The following EIF2AK2 variants were observed in gnomAD, a reference collection of about 807,000 sequenced individuals.
EIF2AK2 encodes interferon-induced, double-stranded RNA-activated protein kinase.
Under a neutral mutation model 70.5 loss-of-function variants are expected in EIF2AK2, and 40 were observed. That is an observed-to-expected ratio of 0.57 (90% CI 0.44 to 0.74). The LOEUF (loss-of-function observed/expected upper bound fraction) is 0.74, where lower values mean the gene tolerates loss of function less well. Among genes scored for constraint, EIF2AK2 ranks in the 30% least tolerant of loss-of-function variants. The probability of loss-of-function intolerance (pLI) is 0.00; values close to 1 mark genes in which losing one functional copy is unlikely to be tolerated. For missense variants in EIF2AK2, 555 were observed against 644.3 expected, an observed-to-expected ratio of 0.86 and a Z score of 1.50; for synonymous variants, 198 against 220.9, an observed-to-expected ratio of 0.90 and a Z score of 0.92.
intron 12 of EIF2AK2, among the ~76,000 whole-genome samples, chr2:37,122,081 G>A (rs1212266646): frequency 2.6e-5 from 4 of 152,236 alleles, no homozygotes; most frequent in African/African-American, 4.8e-5. Flanking sequence ...CCCTCTGACG[G>A]CACCACACCA....
At chr2:37,125,801 T>G (rs1425489600) in intron 11 of EIF2AK2, among the ~76,000 whole-genome samples, 1 of 152,156 alleles carries the variant, frequency 6.6e-6, no homozygotes, top group Non-Finnish European at 1.5e-5. Context: ...AGCACTGCAT[T>G]TTGGAGCAGT....
At chr2:37,122,478 A>ATGGCTATGAGAATTTATTTTTAGT in intron 12 of EIF2AK2, 28 bp downstream of exon 12, 1 of 1,608,670 alleles carries the variant, frequency 6.2e-7, no homozygotes, top group Non-Finnish European at 8.5e-7. Flanking sequence ...CCATCCTATT[A>ATGGCTATGAGAATTTATTTTTAGT]TGGCTATGAG....
At chr2:37,153,337 C>CTTTT (rs1553340565) in intron 1 of EIF2AK2, among the ~76,000 whole-genome samples, 9 of 109,862 alleles carry the variant, frequency 8.2e-5, no homozygotes, top group African/African-American at 2.3e-4. Context: ...CTCTGCTAAT[C>CTTTT]TTTTTTTTTT....
At chr2:37,114,537 G>A (rs1414499919) in intron 14 of EIF2AK2, among the ~76,000 whole-genome samples, 194 bp downstream of exon 14, 1 of 152,044 alleles carries the variant, frequency 6.6e-6, no homozygotes, top group African/African-American at 2.4e-5. Context: ...GTGTTTGTAT[G>A]TTTTTATAAC....
At chr2:37,118,355 T>C (rs1251945357) in intron 13 of EIF2AK2, among the ~76,000 whole-genome samples, 1 of 151,920 alleles carries the variant, frequency 6.6e-6, no homozygotes, top group Non-Finnish European at 1.5e-5. Context: ...AATAATAAAG[T>C]CTGACCCTTG....
intron 1 of EIF2AK2, among the ~76,000 whole-genome samples, chr2:37,152,723 A>C (rs112591499): frequency 2.5e-3 from 388 of 152,242 alleles, no homozygotes; most frequent in African/African-American, 9.1e-3. Context: ...ATACGCCATT[A>C]CCTCTAAAGT....
At position 37,106,041 on chromosome 2, in the gene EIF2AK2, C is replaced by T. The variant is rs917602154; in HGVS notation, c.*1232G>A. ...ATGCAGCAAACACTAGTGGACCTAC[C>T]ATCCAGCTTAAGGAAGTTACCATTA... On this transcript the variant is annotated 3_prime_UTR_variant, in exon 17 of 17. Transcript: ENST00000233057. The T allele has an allele frequency of 2.6e-5, 4 of 152,196 alleles. No individual in the cohort carries two copies. The highest frequency in any genetic ancestry group is 5.9e-5 in the Non-Finnish European group (4 of 68,030). The allele number at this position is 152,196 out of a possible 1,614,324, so 9.4% of individuals were successfully genotyped here.
intron 4 of EIF2AK2, among the ~76,000 whole-genome samples, chr2:37,143,667 T>C (rs1371343314): frequency 6.6e-6 from 1 of 152,100 alleles, no homozygotes; most frequent in Non-Finnish European, 1.5e-5. Flanking sequence ...GCAGATTGCT[T>C]GAGTCCAGGA....
rs1674003367 is a variant in EIF2AK2, at chr2:37,107,517, T to C, written c.1490A>G (p.Asp497Gly). 2.5e-6 allele frequency: 4 copies of C among 1,611,116 alleles called. No homozygotes were observed. The Middle Eastern group carries it at 5.0e-4, about 200-fold the overall frequency. ...ATCTGAGATGATGCCATCCCGTAGG[T>C]CTGTGAAAAACTGGAAAAAAAAATG... is the stretch of plus-strand genomic sequence containing the variant. ...TAFETSKFFTDLRDGIISDIF... is the reference protein window; with the variant it reads ...TAFETSKFFTGLRDGIISDIF... The change falls in exon 16 of 17, where the codon GAC becomes GGC. Residue 497 changes from aspartate to glycine, a missense_variant. Asp to Gly is a moderately conservative substitution (Grantham distance 94, BLOSUM62 -1). Transcript: ENST00000233057.
chr2:37,133,982 C>T (rs754651109), intron 10 of EIF2AK2, among the ~76,000 whole-genome samples: 15 of 152,186 alleles, frequency 9.9e-5, no homozygotes, highest in East Asian at 1.9e-4. Flanking sequence ...CAAACTAGAA[C>T]GTTCTATAAA....
intron 14 of EIF2AK2, among the ~76,000 whole-genome samples, chr2:37,111,722 G>A (rs963858674): frequency 1.9e-4 from 9 of 47,944 alleles, no homozygotes. Flanking sequence ...GCCAGGTGTT[G>A]GTGGTTTGAG....
intron 10 of EIF2AK2, among the ~76,000 whole-genome samples, chr2:37,126,780 A>C (rs1247993778): frequency 6.6e-6 from 1 of 151,930 alleles, no homozygotes; most frequent in African/African-American, 2.4e-5. Flanking sequence ...AACATGGTGA[A>C]ACCCCGTCTC....
At chr2:37,154,891 C>G (rs1158900504) in intron 1 of EIF2AK2, among the ~76,000 whole-genome samples, 2 of 151,966 alleles carry the variant, frequency 1.3e-5, no homozygotes, top group Non-Finnish European at 2.9e-5. Flanking sequence ...ACAAGCTACT[C>G]CTTTTCTGTC....
At chr2:37,117,158 A>T (rs989564287) in intron 13 of EIF2AK2, among the ~76,000 whole-genome samples, 1 of 151,096 alleles carries the variant, frequency 6.6e-6, no homozygotes, top group African/African-American at 2.4e-5. Context: ...GGCTGCAGTG[A>T]GCCGAGATCA....
Position 37,100,790 on chromosome 2 carries a change from A to T in EIF2AK2, c.*6483T>A, listed in dbSNP as rs141483466. 285 of 152,350 alleles carry T rather than the reference A, an allele frequency of 1.9e-3. No individual in the cohort carries two copies. Among genetic ancestry groups the T allele is most frequent in the Admixed American group, 2.9e-3 (45 of 15,294 alleles). 9.4% of individuals were successfully genotyped at this position (152,350 alleles called of 1,614,324 possible). A position where few individuals can be genotyped will look rare whatever the true frequency, so the allele number is the denominator to read the frequency against. ...GCTCACTGTCACCAAATGGGATTCA[A>T]CGTCTTTCCTCCCAAACATGCTCTA... On this transcript the variant is annotated 3_prime_UTR_variant, in exon 17 of 17. Coordinates refer to ENST00000233057, the MANE Select transcript of EIF2AK2 (RefSeq NM_001135651.3).
intron 15 of EIF2AK2, 56 bp from the exon 16 acceptor site, chr2:37,107,583 C>A (rs1170486664): frequency 6.4e-7 from 1 of 1,555,244 alleles, no homozygotes; most frequent in African/African-American, 1.4e-5. Context: ...GGAGGAAAGA[C>A]AGAACTAAAG....
At chr2:37,123,002 C>A (rs1418684617) in intron 11 of EIF2AK2, among the ~76,000 whole-genome samples, 2 of 151,950 alleles carry the variant, frequency 1.3e-5, no homozygotes, top group Non-Finnish European at 2.9e-5. Context: ...CCCATCTCTA[C>A]TAAAAATACA....
rs748579328 is a variant in EIF2AK2 at position 37,139,626 on chromosome 2, C to T, written c.516+5G>A. 1.2e-6 allele frequency: 2 copies of T among 1,608,672 alleles called. No individual in the cohort carries two copies. The highest frequency in any genetic ancestry group is 1.1e-5 in the South Asian group (1 of 89,580). On this transcript the variant is annotated splice_donor_5th_base_variant and intron_variant, in intron 6 of 16. Transcript: ENST00000233057. ...ATAAAAATTTAATCCAAAGGCAATA[C>T]GTACCACTGAGGTTTCTTCTGATAA...
At chr2:37,141,949 T>C (rs1449239542) in intron 4 of EIF2AK2, among the ~76,000 whole-genome samples, 1 of 152,230 alleles carries the variant, frequency 6.6e-6, no homozygotes, top group Non-Finnish European at 1.5e-5. Flanking sequence ...TGGAAAGTAC[T>C]ATAACACTTT....
Sources: gnomAD v4.1 joint callset for allele counts (sites outside exome capture counted in the v4.1 genomes callset) on GRCh38, gnomAD v4.1.1 for gene constraint, MANE v1.5 for transcripts, NCBI Gene and HGNC (gene_info 2026-07-23, HGNC 2026-07-21) for gene names.